Variants in COL21A1 observed in about 807,000 individuals in gnomAD.
COL21A1 encodes collagen alpha-1(XXI) chain.
A neutral mutation model predicts 137.9 loss-of-function variants in COL21A1; 149 were observed. The ratio of observed to expected loss-of-function variants is 1.08; its 90% CI spans 0.95 to 1.24. The LOEUF (loss-of-function observed/expected upper bound fraction) is 1.24, where lower values mean the gene tolerates loss of function less well. COL21A1 is among the 50% of genes most tolerant of loss of function. The pLI, the probability that COL21A1 is intolerant of heterozygous loss-of-function variation, is 0.00. For missense variants in COL21A1, 1,167 were observed against 1,158.4 expected (o/e 1.01, Z -0.11); for synonymous variants, 456 against 391.5 (o/e 1.16, Z -1.95).
At chr6:56,359,747 C>T (rs1377583049) in intron 1 of COL21A1, among the ~76,000 whole-genome samples, 1 of 152,076 alleles carries the variant, frequency 6.6e-6, no homozygotes, top group Non-Finnish European at 1.5e-5. Context: ...TTAAATTAAA[C>T]TCAGTGGTTT....
chr6:56,093,344 T>A (rs1316640491), intron 17 of COL21A1, among the ~76,000 whole-genome samples: 1 of 152,180 alleles, frequency 6.6e-6, no homozygotes, highest in East Asian at 1.9e-4. Flanking sequence ...TCTAAATTAA[T>A]AAATCGCTCT....
intron 10 of COL21A1, among the ~76,000 whole-genome samples, chr6:56,150,737 G>T (rs550813479): frequency 1.3e-5 from 2 of 151,266 alleles, no homozygotes; most frequent in Non-Finnish European, 2.9e-5. Flanking sequence ...CCAATATGAT[G>T]GTCTTCATGG....
chr6:56,078,320 C>A, intron 17 of COL21A1: 1 of 435,260 alleles, frequency 2.3e-6, no homozygotes, highest in Non-Finnish European at 4.6e-6. Flanking sequence ...ATTTATCATG[C>A]AAAACAGTGA....
chr6:56,384,016 A>G (rs1196565013), intron 1 of COL21A1, among the ~76,000 whole-genome samples: 1 of 152,146 alleles, frequency 6.6e-6, no homozygotes, highest in Non-Finnish European at 1.5e-5. Context: ...TAAACTAGGC[A>G]CAATTCTTAG....
Position 56,141,849 on chromosome 6 carries a change from C to G in COL21A1, c.1489-11G>C. 1 of 1,613,048 alleles carries G rather than the reference C, an allele frequency of 6.2e-7. No homozygotes were observed. The highest frequency in any genetic ancestry group is 8.5e-7 in the Non-Finnish European group (1 of 1,179,396). The stretch of plus-strand genomic sequence containing the variant: ...TAGTCCTCGAGCTCCCTAAATTAAC[C>G]AGAAAATAAAATTTTGTTAATTATC... On this transcript the variant is annotated splice_polypyrimidine_tract_variant and intron_variant, in intron 11 of 29. Transcript: ENST00000244728.
At chr6:56,269,720 A>G (rs1028617923) in intron 1 of COL21A1, among the ~76,000 whole-genome samples, 1 of 151,708 alleles carries the variant, frequency 6.6e-6, no homozygotes, top group African/African-American at 2.4e-5. Flanking sequence ...CCATCAGGCT[A>G]GCAGTGGACC....
intron 1 of COL21A1, among the ~76,000 whole-genome samples, chr6:56,356,274 A>C (rs1362600466): frequency 6.6e-6 from 1 of 152,138 alleles, no homozygotes; most frequent in Non-Finnish European, 1.5e-5. Flanking sequence ...AAGGGGCTAG[A>C]CTGAGATGTC....
chr6:56,353,357 G>A (rs193230022), intron 1 of COL21A1, among the ~76,000 whole-genome samples: 4 of 152,244 alleles, frequency 2.6e-5, no homozygotes, highest in African/African-American at 7.2e-5. Flanking sequence ...AGAGACCACA[G>A]AGAGACAGAG....
chr6:56,230,163 A>G (rs1396814183), intron 1 of COL21A1, among the ~76,000 whole-genome samples: 1 of 151,992 alleles, frequency 6.6e-6, no homozygotes, highest in Non-Finnish European at 1.5e-5. Flanking sequence ...TCATTTTTCT[A>G]TAGGAGTCCC....
At chr6:56,269,910 T>G (rs1373582507) in intron 1 of COL21A1, among the ~76,000 whole-genome samples, 2 of 152,124 alleles carry the variant, frequency 1.3e-5, no homozygotes, top group Non-Finnish European at 2.9e-5. Context: ...CAAATCAGAC[T>G]TACAAGAGGT....
At chr6:56,114,341 G>C (rs1771716592) in intron 16 of COL21A1, among the ~76,000 whole-genome samples, 1 of 152,192 alleles carries the variant, frequency 6.6e-6, no homozygotes. Flanking sequence ...TCCATCCCCA[G>C]CTTTAGGTGT....
intron 20 of COL21A1, among the ~76,000 whole-genome samples, chr6:56,072,575 C>T (rs1447409154): frequency 6.6e-6 from 1 of 151,398 alleles, no homozygotes; most frequent in African/African-American, 2.4e-5. Flanking sequence ...GAGGTCAGTA[C>T]ACTATGATCC....
chr6:56,314,625 C>T (rs1161164571), intron 1 of COL21A1, among the ~76,000 whole-genome samples: 3 of 152,110 alleles, frequency 2.0e-5, no homozygotes, highest in Non-Finnish European at 2.9e-5. Flanking sequence ...TTATTCCATT[C>T]CTAACATTAT....
At chr6:56,097,846 A>AATATATAAAT (rs1769542610) in intron 17 of COL21A1, among the ~76,000 whole-genome samples, 5 of 42,318 alleles carry the variant, frequency 1.2e-4, no homozygotes, top group African/African-American at 3.4e-4. Flanking sequence ...TAAATATATA[A>AATATATAAAT]ATATATATAA....
chr6:56,112,927 G>A lies in COL21A1; in HGVS notation c.1758+11135C>T, dbSNP rs150776495. Among the ~76,000 whole-genome samples, 1,239 of 152,102 alleles carry A rather than the reference G, an allele frequency of 8.1e-3. 19 individuals are homozygous for A. Among genetic ancestry groups the A allele is most frequent in the African/African-American group, 0.029 (1,194 of 41,516 alleles). On this transcript the variant is annotated intron_variant, in intron 16 of 29. Coordinates refer to ENST00000244728, the MANE Select transcript of COL21A1 (RefSeq NM_030820.4). ...TCAAACTCCTGACCTCAGGTGATCT[G>A]CCCGCCTTGCCCTCCCAAAGTGCTG...
chr6:56,210,529 A>G (rs1279969666), intron 1 of COL21A1, among the ~76,000 whole-genome samples: 1 of 152,170 alleles, frequency 6.6e-6, no homozygotes, highest in Non-Finnish European at 1.5e-5. Context: ...GGCTGCTAAT[A>G]TTGTTAGGTG....
intron 1 of COL21A1, among the ~76,000 whole-genome samples, chr6:56,247,182 G>A (rs918157963): frequency 2.0e-5 from 3 of 152,218 alleles, no homozygotes; most frequent in African/African-American, 7.2e-5. Context: ...TTAACATGAA[G>A]TAACTTTGCA....
At chr6:56,194,832 T>C (rs1314205234) in intron 1 of COL21A1, among the ~76,000 whole-genome samples, 1 of 65,008 alleles carries the variant, frequency 1.5e-5, no homozygotes, top group African/African-American at 9.8e-5. Flanking sequence ...TGAATGTTTG[T>C]CCCCTCAAAA....
chr6:56,382,210 C>A (rs1051949290), intron 1 of COL21A1, among the ~76,000 whole-genome samples: 1 of 152,102 alleles, frequency 6.6e-6, no homozygotes, highest in African/African-American at 2.4e-5. Context: ...AGTTCTGGTG[C>A]CCTAGAAATG....
Sources: gnomAD v4.1 joint callset for allele counts (sites outside exome capture counted in the v4.1 genomes callset) on GRCh38, gnomAD v4.1.1 for gene constraint, MANE v1.5 for transcripts, NCBI Gene and HGNC (gene_info 2026-07-23, HGNC 2026-07-21) for gene names.